Variants in JAK1 observed in about 807,000 individuals in gnomAD.
JAK1 encodes the protein Janus kinase 1, also known as tyrosine-protein kinase JAK1.
Under a neutral mutation model 136.6 loss-of-function variants are expected in JAK1, and 16 were observed. That is an observed-to-expected ratio of 0.12 (90% CI 0.08 to 0.18). The LOEUF (loss-of-function observed/expected upper bound fraction) is 0.18, where lower values mean the gene tolerates loss of function less well. JAK1 is among the 10% of genes least tolerant of loss of function. JAK1 has a pLI of 1.00. For synonymous variants in JAK1, 492 were observed against 519.5 expected (o/e 0.95, Z 0.72); for missense variants, 859 against 1,450.1 (o/e 0.59, Z 6.62).
intron 2 of JAK1, among the ~76,000 whole-genome samples, chr1:65,006,528 G>A (rs887670356): frequency 4.6e-5 from 7 of 152,008 alleles, no homozygotes; most frequent in South Asian, 2.1e-4. Context: ...TGGCTAATTC[G>A]TTTATTTTTT....
intron 2 of JAK1, among the ~76,000 whole-genome samples, chr1:64,995,955 C>T (rs1646700214): frequency 6.6e-6 from 1 of 152,086 alleles, no homozygotes; most frequent in African/African-American, 2.4e-5. Flanking sequence ...TCTAGGCTGG[C>T]CTTGAACTCC....
chr1:64,892,308 T>C (rs1027093416), intron 1 of JAK1, among the ~76,000 whole-genome samples: 3 of 151,854 alleles, frequency 2.0e-5, no homozygotes, highest in African/African-American at 7.3e-5. Context: ...GGGGATGGAA[T>C]CTCGCTCTGT....
upstream of JAK1, among the ~76,000 whole-genome samples, chr1:64,970,447 A>C (rs1261517122): frequency 2.0e-5 from 3 of 151,280 alleles, no homozygotes; most frequent in African/African-American, 7.3e-5. Flanking sequence ...ATCTCAAAAA[A>C]ACAAAACAAA....
chr1:64,918,046 T>C (rs2100345489), intron 1 of JAK1, among the ~76,000 whole-genome samples: 1 of 152,288 alleles, frequency 6.6e-6, no homozygotes, highest in East Asian at 1.9e-4. Context: ...TGCCCTTTCC[T>C]TATACACCTA....
intron 1 of JAK1, among the ~76,000 whole-genome samples, chr1:64,917,177 A>C (rs951998098): frequency 6.6e-6 from 1 of 152,182 alleles, no homozygotes; most frequent in Non-Finnish European, 1.5e-5. Flanking sequence ...AAAAGATCAA[A>C]AATTGAGAAT....
At chr1:65,023,857 C>G (rs988439046) in intron 2 of JAK1, among the ~76,000 whole-genome samples, 1 of 151,592 alleles carries the variant, frequency 6.6e-6, no homozygotes, top group Non-Finnish European at 1.5e-5. Context: ...TGGAGTCATA[C>G]CGTATTTATT....
chr1:64,897,299 G>A (rs1217459365), intron 1 of JAK1, among the ~76,000 whole-genome samples: 1 of 150,978 alleles, frequency 6.6e-6, no homozygotes, highest in Non-Finnish European at 1.5e-5. Flanking sequence ...GTGTGGTGGT[G>A]AGCACCTGTA....
intron 1 of JAK1, among the ~76,000 whole-genome samples, chr1:64,907,970 T>C (rs1197606652): frequency 6.6e-6 from 1 of 152,228 alleles, no homozygotes; most frequent in Non-Finnish European, 1.5e-5. Flanking sequence ...AAATCATATT[T>C]TTCGAATATG....
intron 2 of JAK1, among the ~76,000 whole-genome samples, chr1:65,017,228 G>A (rs572688449): frequency 1.3e-5 from 2 of 152,280 alleles, no homozygotes; most frequent in Non-Finnish European, 2.9e-5. Context: ...CACTTTAGGA[G>A]GCCTCCGAGG....
chr1:64,948,270 A>G (rs12046291), intron 1 of JAK1, among the ~76,000 whole-genome samples: 77,964 of 152,120 alleles, frequency 0.51, 23,994 homozygotes, highest in Non-Finnish European at 0.71. Flanking sequence ...TACACAGACA[A>G]AGCAGCTCAT....
chr1:64,839,145 C>CAA (rs56058898), intron 20 of JAK1, among the ~76,000 whole-genome samples: 6,993 of 59,160 alleles, frequency 0.12, 427 homozygotes, highest in Non-Finnish European at 0.15. Context: ...GACTCCGTCT[C>CAA]AAAAAAAAAA....
chr1:64,907,744 C>T (rs72922215), intron 1 of JAK1, among the ~76,000 whole-genome samples: 3,219 of 152,200 alleles, frequency 0.021, 145 homozygotes, highest in African/African-American at 0.074. Flanking sequence ...ATGCCAGGAT[C>T]TCCCTAATTT....
At chr1:65,012,022 G>A (rs535024038) in intron 2 of JAK1, among the ~76,000 whole-genome samples, 4 of 152,312 alleles carry the variant, frequency 2.6e-5, no homozygotes, top group Admixed American at 6.5e-5. Context: ...CAGTTTGGGC[G>A]CCTGTTAGCT....
intron 2 of JAK1, among the ~76,000 whole-genome samples, chr1:65,019,700 T>C (rs529019908): frequency 6.6e-6 from 1 of 152,178 alleles, no homozygotes; most frequent in African/African-American, 2.4e-5. Context: ...GTGGATCACC[T>C]GAGACCAGGA....
intron 1 of JAK1, among the ~76,000 whole-genome samples, chr1:64,886,689 C>T (rs993714521): frequency 6.6e-6 from 1 of 151,798 alleles, no homozygotes; most frequent in Non-Finnish European, 1.5e-5. Flanking sequence ...TAGTTTAAGA[C>T]ACCCAAAAAC....
intron 1 of JAK1, among the ~76,000 whole-genome samples, chr1:64,902,326 T>G (rs1339064596): frequency 6.6e-6 from 1 of 151,920 alleles, no homozygotes; most frequent in Admixed American, 6.6e-5. Context: ...CTAAAGGGAG[T>G]AAAATCATCA....
intron 2 of JAK1, chr1:65,023,029 C>T (rs1263432349): frequency 2.0e-5 from 3 of 152,128 alleles, no homozygotes; most frequent in Non-Finnish European, 4.4e-5. Context: ...TGCTAATCTT[C>T]TCTGTATCAT....
chr1:64,932,514 A>AACTC (rs1335047901), intron 1 of JAK1, among the ~76,000 whole-genome samples: 3 of 152,324 alleles, frequency 2.0e-5, no homozygotes, highest in South Asian at 2.1e-4. Flanking sequence ...GTTCAAACCT[A>AACTC]ACTCACTCAC....
intron 1 of JAK1, among the ~76,000 whole-genome samples, chr1:64,910,580 T>C (rs1645266776): frequency 6.6e-6 from 1 of 152,180 alleles, no homozygotes; most frequent in African/African-American, 2.4e-5. Flanking sequence ...ACGCCTGGAA[T>C]CCCAGCACTT....
Sources: gnomAD v4.1 joint callset for allele counts (sites outside exome capture counted in the v4.1 genomes callset) on GRCh38, gnomAD v4.1.1 for gene constraint, MANE v1.5 for transcripts, NCBI Gene and HGNC (gene_info 2026-07-23, HGNC 2026-07-21) for gene names.